The following TEK variants were observed in gnomAD, a reference collection of about 807,000 sequenced individuals.
The protein encoded by TEK is angiopoietin-1 receptor.
A neutral mutation model predicts 131.8 loss-of-function variants in TEK; 43 were observed. The ratio of observed to expected loss-of-function variants is 0.33; its 90% CI spans 0.26 to 0.42. The LOEUF is 0.42. TEK is among the 10% of genes least tolerant of loss of function. The pLI is 1.00. For synonymous variants in TEK, 580 were observed against 491.6 expected, an observed-to-expected ratio of 1.18 and a Z score of -2.38; for missense variants, 1,162 against 1,384.4, an observed-to-expected ratio of 0.84 and a Z score of 2.55.
chr9:27,134,615 A>G (rs1822348601), intron 1 of TEK, among the ~76,000 whole-genome samples: 1 of 152,204 alleles, frequency 6.6e-6, no homozygotes, highest in African/African-American at 2.4e-5. Context: ...TTCTGAATCT[A>G]GAGATCTTAG....
At chr9:27,198,810 A>AT (rs1468214617) in intron 12 of TEK, among the ~76,000 whole-genome samples, 1 of 152,140 alleles carries the variant, frequency 6.6e-6, no homozygotes, top group Non-Finnish European at 1.5e-5. Context: ...GTATGTATAT[A>AT]TTTTTTGAGA....
At chr9:27,222,930 A>AC (rs1371507896) in intron 21 of TEK, among the ~76,000 whole-genome samples, 1 of 152,164 alleles carries the variant, frequency 6.6e-6, no homozygotes, top group Non-Finnish European at 1.5e-5. Context: ...AGGCATATTT[A>AC]CCAAGCAAAT....
intron 21 of TEK, among the ~76,000 whole-genome samples, chr9:27,227,162 C>T (rs1826369664): frequency 1.3e-5 from 2 of 152,182 alleles, no homozygotes; most frequent in Admixed American, 6.6e-5. Context: ...CTTCCATGCA[C>T]ATAAGGTTCC....
intron 21 of TEK, among the ~76,000 whole-genome samples, chr9:27,222,847 C>T (rs186591312): frequency 6.6e-6 from 1 of 152,184 alleles, no homozygotes; most frequent in Admixed American, 6.5e-5. Flanking sequence ...ATGACAGGAT[C>T]AAATTCACAC....
At chr9:27,214,249 C>G (rs1170884064) in intron 18 of TEK, among the ~76,000 whole-genome samples, 1 of 152,242 alleles carries the variant, frequency 6.6e-6, no homozygotes, top group Non-Finnish European at 1.5e-5. Context: ...AGTACCGCAT[C>G]CCTGCATGTT....
intron 1 of TEK, among the ~76,000 whole-genome samples, chr9:27,117,533 CCTG>C (rs1722493596): frequency 6.6e-6 from 1 of 152,154 alleles, no homozygotes; most frequent in African/African-American, 2.4e-5. Flanking sequence ...ATTCTTCTCT[CCTG>C]CTCCTTCCCA....
intron 1 of TEK, among the ~76,000 whole-genome samples, chr9:27,124,722 T>C (rs900026167): frequency 2.0e-5 from 3 of 152,222 alleles, no homozygotes; most frequent in Non-Finnish European, 2.9e-5. Flanking sequence ...ACCTACCTCA[T>C]GGGTTTTTTT....
intron 1 of TEK, among the ~76,000 whole-genome samples, chr9:27,139,700 G>C (rs1822649264): frequency 6.6e-6 from 1 of 152,092 alleles, no homozygotes; most frequent in South Asian, 2.1e-4. Flanking sequence ...GATTTACTGT[G>C]TTGTGGTGTG....
At chr9:27,205,269 G>C (rs1449351546) in intron 14 of TEK, among the ~76,000 whole-genome samples, 2 of 152,142 alleles carry the variant, frequency 1.3e-5, no homozygotes, top group African/African-American at 4.8e-5. Flanking sequence ...ACAATTTTGA[G>C]AGTGAAAAGG....
At chr9:27,116,382 C>T (rs556648063) in intron 1 of TEK, among the ~76,000 whole-genome samples, 2 of 152,086 alleles carry the variant, frequency 1.3e-5, no homozygotes, top group Non-Finnish European at 1.5e-5. Flanking sequence ...TCCACCTCCC[C>T]GGTTCAAGTG....
At position 27,175,335 on chromosome 9, in the gene TEK, G is replaced by A. The variant is rs1181877950; in HGVS notation, c.901+1973G>A. On this transcript the variant is annotated intron_variant, in intron 6 of 22. Transcript: ENST00000380036. Reference sequence around the variant, plus strand: ...CATGAACTCATCATTTTTTATGGCTGCATAGTATTCCATGGTGTATATGTG... The same window carrying A: ...CATGAACTCATCATTTTTTATGGCTACATAGTATTCCATGGTGTATATGTG... Among the ~76,000 whole-genome samples the A allele has an allele frequency of 2.0e-5, 3 of 150,122 alleles. No homozygotes were observed. The South Asian group carries it at 6.3e-4, about 32-fold the overall frequency.
intron 2 of TEK, among the ~76,000 whole-genome samples, chr9:27,159,014 A>T (rs1398837058): frequency 6.6e-6 from 1 of 152,178 alleles, no homozygotes; most frequent in Admixed American, 6.5e-5. Flanking sequence ...CACAAACCAC[A>T]GTGGCATACA....
chr9:27,173,175 G>C, intron 5 of TEK, 47 bp from the exon 6 acceptor site: 1 of 1,610,452 alleles, frequency 6.2e-7, no homozygotes, highest in South Asian at 1.1e-5. Context: ...TGTATTTCAA[G>C]GGGTTGCATA....
chr9:27,118,059 G>A (rs1821638109), intron 1 of TEK, among the ~76,000 whole-genome samples: 2 of 152,132 alleles, frequency 1.3e-5, no homozygotes, highest in Admixed American at 1.3e-4. Context: ...AAGGCGTCTG[G>A]CTGCAGAGCC....
At position 27,229,591 on chromosome 9, in the gene TEK, G is replaced by A; in HGVS notation, c.*359G>A. 3.6e-6 allele frequency: 1 copy of A among 276,380 alleles called. No homozygotes were observed. Among genetic ancestry groups the A allele is most frequent in the Non-Finnish European group, 7.0e-6 (1 of 142,670 alleles). 17.1% of individuals were successfully genotyped at this position (276,380 alleles called of 1,614,324 possible). On this transcript the variant is annotated 3_prime_UTR_variant, in exon 23 of 23. Transcript: ENST00000380036. ...TTTGATATTTACCTTTATGTTGAAT[G>A]CTATTAAATGTTTTCCTGTGTCAAA...
intron 1 of TEK, among the ~76,000 whole-genome samples, chr9:27,129,891 T>C (rs1268352964): frequency 6.6e-6 from 1 of 152,190 alleles, no homozygotes; most frequent in Non-Finnish European, 1.5e-5. Context: ...GAAAGAGATA[T>C]TGTATAATAT....
Position 27,149,958 on chromosome 9 carries a change from G to A in TEK, c.53-7873G>A, listed in dbSNP as rs143728907. Among the ~76,000 whole-genome samples the A allele has an allele frequency of 2.9e-3, 446 of 152,266 alleles. 2 individuals carry two copies. Among genetic ancestry groups the A allele is most frequent in the African/African-American group, 0.01 (421 of 41,564 alleles). On this transcript the variant is annotated intron_variant, in intron 1 of 22. Transcript: ENST00000380036. ...CTGAGACAAAGTGAGTAGGGAAGATGATGAGGCAGCACTGCCAGGCTTAAG... is the reference window on the plus strand; with the variant it reads ...CTGAGACAAAGTGAGTAGGGAAGATAATGAGGCAGCACTGCCAGGCTTAAG...
intron 11 of TEK, among the ~76,000 whole-genome samples, chr9:27,193,039 G>A (rs994828588): frequency 3.9e-5 from 6 of 152,152 alleles, no homozygotes; most frequent in Non-Finnish European, 7.3e-5. Context: ...TATTTTAGAA[G>A]TCCCAGTTTA....
intron 4 of TEK, among the ~76,000 whole-genome samples, chr9:27,171,197 A>G (rs1417698159): frequency 1.3e-5 from 2 of 152,208 alleles, no homozygotes; most frequent in African/African-American, 2.4e-5. Flanking sequence ...CAGGAACTTC[A>G]CAAATAGAAA....
Sources: allele counts gnomAD v4.1 joint callset (sites outside exome capture counted in the v4.1 genomes callset), GRCh38; gene constraint gnomAD v4.1.1; transcripts MANE v1.5; gene names NCBI Gene and HGNC (gene_info 2026-07-23, HGNC 2026-07-21).